The following DEFB110 variants were observed in gnomAD, a reference collection of about 807,000 sequenced individuals.
DEFB110 encodes the protein beta-defensin 110.
A neutral mutation model predicts 2.5 loss-of-function variants in DEFB110; 4 were observed. The ratio of observed to expected loss-of-function variants is 1.60; its 90% CI spans 0.79 to 3.66. The LOEUF (loss-of-function observed/expected upper bound fraction) is 3.66, where lower values mean the gene tolerates loss of function less well. DEFB110 is among the 30% of genes most tolerant of loss of function. The pLI is 0.01. For synonymous variants in DEFB110, 29 were observed against 21.8 expected, an observed-to-expected ratio of 1.33 and a Z score of -0.92; for missense variants, 94 against 75.4, an observed-to-expected ratio of 1.25 and a Z score of -0.91.
intron 1 of DEFB110, among the ~76,000 whole-genome samples, chr6:50,010,872 T>C (rs1561989943): frequency 6.6e-6 from 1 of 151,640 alleles, no homozygotes; most frequent in South Asian, 2.1e-4. Context: ...ATGGTGGTTT[T>C]TAAGATATAT....
chr6:50,009,189 A>T, exon 2 of DEFB110: 4 of 1,611,046 alleles, frequency 2.5e-6, no homozygotes, highest in Non-Finnish European at 3.4e-6. Flanking sequence ...AATCATACTC[A>T]ACATCATCAC....
At chr6:50,015,554 C>G (rs1233750045), downstream of DEFB110, among the ~76,000 whole-genome samples, 3 of 151,816 alleles carry the variant, frequency 2.0e-5, no homozygotes, top group Non-Finnish European at 2.9e-5. Flanking sequence ...CAATAGGGCT[C>G]TATGACAAAT....
At chr6:50,018,233 T>C (rs577883231), downstream of DEFB110, among the ~76,000 whole-genome samples, 88 of 151,924 alleles carry the variant, frequency 5.8e-4, no homozygotes, top group Non-Finnish European at 1.1e-3. Context: ...GTCATGGATC[T>C]CCTCAGACAT....
chr6:50,015,395 C>T (rs1478511934), downstream of DEFB110, among the ~76,000 whole-genome samples: 4 of 151,630 alleles, frequency 2.6e-5, no homozygotes, highest in Non-Finnish European at 2.9e-5. Context: ...CCTAAAAATC[C>T]CTGGGTAATC....
chr6:50,017,808 G>C (rs959090744), downstream of DEFB110, among the ~76,000 whole-genome samples: 1 of 151,718 alleles, frequency 6.6e-6, no homozygotes, highest in African/African-American at 2.4e-5. Context: ...GATCCACAGA[G>C]AGGCCATAAT....
Position 50,018,965 on chromosome 6 carries a change from C to T in DEFB110, c.*12G>A. The T allele has an allele frequency of 6.2e-7, 1 of 1,603,902 alleles. No individual in the cohort carries two copies. The highest frequency in any genetic ancestry group is 1.1e-5 in the South Asian group (1 of 89,254). ...TCTTCTTGGAGCTTGTGACTCTTTT[C>T]TTCTGTCATCGTTACTGCTGCAAGC... On this transcript the variant is annotated 3_prime_UTR_variant, in exon 2 of 2. Coordinates refer to ENST00000371148, the MANE Select transcript of DEFB110 (RefSeq NM_001037497.2).
chr6:50,009,547 T>C (rs555367712), intron 1 of DEFB110, among the ~76,000 whole-genome samples: 35 of 152,322 alleles, frequency 2.3e-4, no homozygotes, highest in African/African-American at 8.4e-4. Context: ...AACGAGAAAG[T>C]GACACACAAT....
intron 1 of DEFB110, 122 bp downstream of exon 1, chr6:50,021,759 C>A: frequency 1.1e-6 from 1 of 907,084 alleles, no homozygotes; most frequent in Non-Finnish European, 1.6e-6. Flanking sequence ...TCTAAAATAC[C>A]ACATTACATT....
At position 50,018,907 on chromosome 6, in the gene DEFB110, G is replaced by A. The variant is rs763177102; in HGVS notation, c.*70C>T. ...TTATAGAGACACACACGCCTTGAAG[G>A]ATGTGCTGGGAAAACTTAATAACGC... On this transcript the variant is annotated 3_prime_UTR_variant, in exon 2 of 2. Coordinates refer to ENST00000371148, the MANE Select transcript of DEFB110 (RefSeq NM_001037497.2). The A allele has an allele frequency of 3.3e-6, 5 of 1,527,456 alleles. No homozygotes were observed. Among genetic ancestry groups the A allele is most frequent in the Non-Finnish European group, 4.4e-6 (5 of 1,142,530 alleles). 94.6% of individuals were successfully genotyped at this position (1,527,456 alleles called of 1,614,324 possible). A position where few individuals can be genotyped will look rare whatever the true frequency, so the allele number is the denominator to read the frequency against.
chr6:50,021,013 C>G (rs1033536610), intron 1 of DEFB110, among the ~76,000 whole-genome samples: 3 of 152,102 alleles, frequency 2.0e-5, no homozygotes, highest in East Asian at 3.8e-4. Flanking sequence ...CTTATTTCAC[C>G]TTTCTAAAAC....
chr6:50,020,364 C>T (rs1171078798), intron 1 of DEFB110, among the ~76,000 whole-genome samples: 1 of 151,270 alleles, frequency 6.6e-6, no homozygotes, highest in Non-Finnish European at 1.5e-5. Context: ...TAAATTGTAC[C>T]AAGTCAAAAT....
chr6:50,021,707 C>A (rs557455332), intron 1 of DEFB110, among the ~76,000 whole-genome samples, 174 bp downstream of exon 1: 1 of 152,266 alleles, frequency 6.6e-6, no homozygotes, highest in African/African-American at 2.4e-5. Flanking sequence ...TTATTTTTGT[C>A]TGTTTTTCAC....
chr6:50,011,442 C>A (rs1300671398), intron 1 of DEFB110, among the ~76,000 whole-genome samples: 2 of 151,902 alleles, frequency 1.3e-5, no homozygotes, highest in East Asian at 1.9e-4. Flanking sequence ...TAGTTTGGGG[C>A]CTTAGTCAGG....
rs1173414522 is a variant in DEFB110, at chr6:50,019,041, T to G, written c.140A>C (p.His47Pro). 6.2e-7 allele frequency: 1 copy of G among 1,613,132 alleles called. No individual in the cohort carries two copies. The highest frequency in any genetic ancestry group is 1.3e-5 in the African/African-American group (1 of 74,890). The change falls in exon 2 of 2, where the codon CAT (histidine) becomes CCT (proline). Residue 47 changes from histidine (H) to proline (P), a missense_variant. His to Pro is a moderately conservative substitution (Grantham distance 77). Coordinates refer to ENST00000371148, the MANE Select transcript of DEFB110 (RefSeq NM_001037497.2). ...IGNGQCKNQC[H>P]ENEIRIAYCI... ...GTAAGCAATCCTAATTTCATTTTCA[T>G]GACACTGATTTTTACATTGACCATT...
intron 1 of DEFB110, among the ~76,000 whole-genome samples, chr6:50,012,495 T>G (rs2113937830): frequency 6.6e-6 from 1 of 152,064 alleles, no homozygotes; most frequent in East Asian, 1.9e-4. Flanking sequence ...TCCTGTCAAC[T>G]TAGCAAGTGA....
chr6:50,014,894 T>C (rs1392308637), downstream of DEFB110, among the ~76,000 whole-genome samples: 2 of 151,836 alleles, frequency 1.3e-5, no homozygotes, highest in Non-Finnish European at 2.9e-5. Flanking sequence ...AATCTCTGCA[T>C]TAGATGTCAT....
At chr6:50,015,079 C>T (rs1774294474), downstream of DEFB110, among the ~76,000 whole-genome samples, 1 of 151,760 alleles carries the variant, frequency 6.6e-6, no homozygotes, top group Non-Finnish European at 1.5e-5. Context: ...TGGCACAGCT[C>T]AATCTTTCCA....
chr6:50,013,087 G>C lies in DEFB110; in HGVS notation c.56-3816C>G, dbSNP rs907965723. Among the ~76,000 whole-genome samples, 5 of 151,804 alleles carry C rather than the reference G, an allele frequency of 3.3e-5. No homozygotes were observed. The East Asian group carries it at 9.6e-4, about 29-fold the overall frequency. On this transcript the variant is annotated intron_variant, in intron 1 of 1. Coordinates refer to the DEFB110 transcript ENST00000393660. Reference sequence around the variant, plus strand: ...AGGTTTCAGATTCTTTTCTAAGCCAGTTATATTCATTTTTGGATTTATTAC... The same window carrying C: ...AGGTTTCAGATTCTTTTCTAAGCCACTTATATTCATTTTTGGATTTATTAC...
At chr6:50,009,289 A>G (rs767191018) in intron 1 of DEFB110, 4 of 1,583,844 alleles carry the variant, frequency 2.5e-6, no homozygotes, top group Non-Finnish European at 2.6e-6. Context: ...CAAGAAAAAT[A>G]TCTAAAGTTA....
Sources: gnomAD v4.1 joint callset for allele counts (sites outside exome capture counted in the v4.1 genomes callset) on GRCh38, gnomAD v4.1.1 for gene constraint, MANE v1.5 for transcripts, NCBI Gene and HGNC (gene_info 2026-07-23, HGNC 2026-07-21) for gene names.